The following LRRC8B variants were observed in gnomAD, a reference collection of about 807,000 sequenced individuals.
LRRC8B encodes leucine rich repeat containing 8 VRAC subunit B.
A neutral mutation model predicts 58.8 loss-of-function variants in LRRC8B; 23 were observed. That is an observed-to-expected ratio of 0.39 (90% CI 0.28 to 0.55). LRRC8B has a LOEUF of 0.55. Ranked by LOEUF, LRRC8B falls within the 20% of genes least tolerant of loss-of-function variation. The probability of loss-of-function intolerance (pLI) is 0.62; values close to 1 mark genes in which losing one functional copy is unlikely to be tolerated. For synonymous variants in LRRC8B, 359 were observed against 374.1 expected (o/e 0.96, Z 0.47); for missense variants, 694 against 936.0 (o/e 0.74, Z 3.37).
At chr1:89,547,254 A>G (rs1468841694) in intron 1 of LRRC8B, among the ~76,000 whole-genome samples, 3 of 151,156 alleles carry the variant, frequency 2.0e-5, no homozygotes, top group Non-Finnish European at 4.4e-5. Context: ...TTTCTCAGAA[A>G]CCTGGTTGTT....
chr1:89,561,129 G>C (rs1285129628), intron 1 of LRRC8B, among the ~76,000 whole-genome samples: 6 of 151,724 alleles, frequency 4.0e-5, no homozygotes, highest in South Asian at 4.2e-4. Flanking sequence ...GCATTTCTCT[G>C]ATGGCCAGTG....
chr1:89,537,260 TC>T (rs1650604198), intron 1 of LRRC8B, among the ~76,000 whole-genome samples: 2 of 152,188 alleles, frequency 1.3e-5, no homozygotes, highest in Admixed American at 1.3e-4. Flanking sequence ...CAAGACCCTG[TC>T]GCTTAAGAAC....
rs199703459 is a variant in LRRC8B, at chr1:89,592,847, A to T, written c.2216A>T (p.Asn739Ile). The change falls in exon 6 of 6, where the codon AAT becomes ATT. Residue 739 changes from asparagine to isoleucine, a missense_variant. This residue lies in a region of LRRC8B where 139 missense variants were observed against 158.2 expected (regional missense o/e 0.88). Coordinates refer to ENST00000330947, the MANE Select transcript of LRRC8B (RefSeq NM_001369817.2). ...CLLLGKNSLM[N>I]LSPHVGELSN... The stretch of plus-strand genomic sequence containing the variant: ...CTTTTGGGGAAAAATAGCTTGATGA[A>T]TTTGTCCCCTCATGTGGGTGAGCTG... 2 of 1,614,074 alleles carry T rather than the reference A, an allele frequency of 1.2e-6. No homozygotes were observed. The highest frequency in any genetic ancestry group is 1.7e-6 in the Non-Finnish European group (2 of 1,179,996).
intron 5 of LRRC8B, among the ~76,000 whole-genome samples, chr1:89,590,720 G>T (rs1407203022): frequency 6.6e-6 from 1 of 152,224 alleles, no homozygotes; most frequent in Non-Finnish European, 1.5e-5. Context: ...GTTAAACGAG[G>T]TACTTGCTGG....
chr1:89,551,726 C>T (rs1047401067), intron 1 of LRRC8B, among the ~76,000 whole-genome samples: 2 of 152,126 alleles, frequency 1.3e-5, no homozygotes, highest in Non-Finnish European at 1.5e-5. Flanking sequence ...CCAAAGAAAA[C>T]GGGACTGACT....
chr1:89,549,441 G>A (rs1651649440), intron 1 of LRRC8B, among the ~76,000 whole-genome samples: 1 of 152,122 alleles, frequency 6.6e-6, no homozygotes, highest in Non-Finnish European at 1.5e-5. Context: ...TAACACTGAA[G>A]TGAAATGAAA....
At chr1:89,576,680 A>G (rs913826134) in intron 3 of LRRC8B, among the ~76,000 whole-genome samples, 6 of 152,206 alleles carry the variant, frequency 3.9e-5, no homozygotes, top group Non-Finnish European at 8.8e-5. Context: ...GGTGATTTTT[A>G]TGTACATTAA....
chr1:89,567,859 A>G (rs751903917), intron 1 of LRRC8B, among the ~76,000 whole-genome samples: 4 of 152,176 alleles, frequency 2.6e-5, no homozygotes, highest in African/African-American at 4.8e-5. Context: ...TGTGTGAACT[A>G]TATGTTTCCA....
chr1:89,591,914 C>G (rs1379490634), intron 5 of LRRC8B, among the ~76,000 whole-genome samples: 1 of 152,092 alleles, frequency 6.6e-6, no homozygotes, highest in African/African-American at 2.4e-5. Context: ...TATGTGCAGT[C>G]TATCTATGCT....
In LRRC8B at chr1:89,595,970, G is replaced by A. The variant is rs369147426; in HGVS notation, c.*2927G>A. ...AAATTCATAGCTTACGGTAGTAATG[G>A]CATGGATTAATTTTATTTGCATGCA... On this transcript the variant is annotated 3_prime_UTR_variant, in exon 6 of 6. Transcript: ENST00000330947. The A allele has an allele frequency of 4.6e-5, 7 of 152,140 alleles. No homozygotes were observed. Among genetic ancestry groups the A allele is most frequent in the African/African-American group, 1.7e-4 (7 of 41,538 alleles). The allele number at this position is 152,140 out of a possible 1,614,324, so 9.4% of individuals were successfully genotyped here. A position where few individuals can be genotyped will look rare whatever the true frequency, so the allele number is the denominator to read the frequency against.
chr1:89,548,840 C>G (rs567798763), intron 1 of LRRC8B, among the ~76,000 whole-genome samples: 1 of 152,152 alleles, frequency 6.6e-6, no homozygotes, highest in Non-Finnish European at 1.5e-5. Context: ...TTCCTTTGTA[C>G]CAATACCCTT....
chr1:89,582,486 C>T lies in LRRC8B; in HGVS notation c.-26-139C>T, dbSNP rs536206278. Reference sequence around the variant, plus strand: ...ATGAAACCAGAAGACTTATGTGCCCCTTAATCAGCTCTTCCTTTTAGGTTT... The same window carrying T: ...ATGAAACCAGAAGACTTATGTGCCCTTTAATCAGCTCTTCCTTTTAGGTTT... On this transcript the variant is annotated intron_variant, in intron 4 of 5. Transcript: ENST00000330947. 1.3e-5 allele frequency: 8 copies of T among 606,874 alleles called. No homozygotes were observed. In the East Asian group the frequency reaches 1.9e-4, roughly 15 times the overall value. The allele number at this position is 606,874 out of a possible 1,614,324, so 37.6% of individuals were successfully genotyped here.
rs1195852388 is a variant in LRRC8B at position 89,582,774 on chromosome 1, G to A, written c.124G>A (p.Ala42Thr). The change falls in exon 5 of 6, where the codon GCC becomes ACC. Residue 42 changes from alanine (A) to threonine (T), a missense_variant. This residue lies in a region of LRRC8B where 316 missense variants were observed against 403.8 expected (regional missense o/e 0.78). Coordinates refer to ENST00000330947, the MANE Select transcript of LRRC8B (RefSeq NM_001369817.2). ...GATCATGCTGCTGGTGGCCGTGCTG[G>A]CCGGAGCTCTCCAGCTGACGCAGAG... ...TLIMLLVAVL[A>T]GALQLTQSRV... 9.3e-6 allele frequency: 15 copies of A among 1,614,058 alleles called. No homozygotes were observed. Among genetic ancestry groups the A allele is most frequent in the Non-Finnish European group, 1.3e-5 (15 of 1,180,046 alleles).
At chr1:89,529,145 C>T (rs925835873) in intron 1 of LRRC8B, among the ~76,000 whole-genome samples, 4 of 152,194 alleles carry the variant, frequency 2.6e-5, no homozygotes, top group African/African-American at 9.6e-5. Context: ...AAATGTTATA[C>T]ATTAACATAT....
In LRRC8B at chr1:89,594,487, T is replaced by A. The variant is rs1557630211; in HGVS notation, c.*1444T>A. ...GTTTTTAAATTGATTTTAAAATACT[T>A]TATAGAAATTTAGTAAGAGTTAAAG... On this transcript the variant is annotated 3_prime_UTR_variant, in exon 6 of 6. Transcript: ENST00000330947. The A allele has an allele frequency of 6.6e-6, 1 of 152,256 alleles. No homozygotes were observed. Among genetic ancestry groups the A allele is most frequent in the East Asian group, 1.9e-4 (1 of 5,192 alleles). The allele number at this position is 152,256 out of a possible 1,614,324, so 9.4% of individuals were successfully genotyped here.
intron 1 of LRRC8B, among the ~76,000 whole-genome samples, chr1:89,550,239 A>G (rs983091464): frequency 6.6e-6 from 1 of 152,194 alleles, no homozygotes; most frequent in Admixed American, 6.5e-5. Context: ...GGCACATCTT[A>G]GTTCAAGCCA....
intron 1 of LRRC8B, among the ~76,000 whole-genome samples, chr1:89,542,945 G>GT (rs1193588254): frequency 1.3e-5 from 2 of 152,118 alleles, no homozygotes; most frequent in Non-Finnish European, 1.5e-5. Context: ...TTTATCTTTT[G>GT]TAAGTTGTCA....
intron 1 of LRRC8B, among the ~76,000 whole-genome samples, chr1:89,545,076 T>TA (rs1651296804): frequency 6.6e-6 from 1 of 152,212 alleles, no homozygotes; most frequent in African/African-American, 2.4e-5. Flanking sequence ...TTTTGAGGTC[T>TA]AAAAAAGATA....
rs1047527574 is a variant in LRRC8B at position 89,596,997 on chromosome 1, G to C, written c.*3954G>C. ...AGGGAAGGAGTTATTTTGCATCCTAGTTTGTATTATGAAGTCATCATATAT... is the reference window on the plus strand; with the variant it reads ...AGGGAAGGAGTTATTTTGCATCCTACTTTGTATTATGAAGTCATCATATAT... On this transcript the variant is annotated 3_prime_UTR_variant, in exon 6 of 6. Transcript: ENST00000330947. The C allele has an allele frequency of 6.6e-6, 1 of 152,130 alleles. No individual in the cohort carries two copies. Among genetic ancestry groups the C allele is most frequent in the African/African-American group, 2.4e-5 (1 of 41,418 alleles). The allele number at this position is 152,130 out of a possible 1,614,324, so 9.4% of individuals were successfully genotyped here. A position where few individuals can be genotyped will look rare whatever the true frequency, so the allele number is the denominator to read the frequency against.
Sources: allele counts gnomAD v4.1 joint callset (sites outside exome capture counted in the v4.1 genomes callset), GRCh38; gene constraint gnomAD v4.1.1; regional missense constraint gnomAD v4.1.1; transcripts MANE v1.5; gene names NCBI Gene and HGNC (gene_info 2026-07-23, HGNC 2026-07-21).